The following PCDH15 variants were observed in gnomAD, a reference collection of about 807,000 sequenced individuals.
PCDH15 encodes the protein protocadherin-15.
A neutral mutation model predicts 178.5 loss-of-function variants in PCDH15; 129 were observed. That is an observed-to-expected ratio of 0.72 (90% confidence interval 0.63 to 0.84). PCDH15 has a LOEUF of 0.84. Ranked by LOEUF, PCDH15 falls within the 40% of genes least tolerant of loss-of-function variation. The pLI is 0.00. For missense variants in PCDH15, 2,230 were observed against 2,099.9 expected (o/e 1.06, Z -1.21); for synonymous variants, 800 against 732.0 (o/e 1.09, Z -1.50).
At chr10:55,022,351 C>T (rs1217999575) in intron 2 of PCDH15, among the ~76,000 whole-genome samples, 5 of 147,100 alleles carry the variant, frequency 3.4e-5, no homozygotes. Flanking sequence ...AATCGGGAGG[C>T]AGAGGTAGAA....
intron 10 of PCDH15, among the ~76,000 whole-genome samples, chr10:54,201,889 C>T (rs755306156): frequency 2.6e-5 from 4 of 152,174 alleles, no homozygotes; most frequent in Non-Finnish European, 4.4e-5. Flanking sequence ...GTAATTAATA[C>T]TGATGCACAT....
chr10:54,303,659 C>T (rs145381855), intron 8 of PCDH15, among the ~76,000 whole-genome samples: 85 of 152,178 alleles, frequency 5.6e-4, no homozygotes, highest in Admixed American at 1.6e-3. Context: ...GTAAACACTA[C>T]GTGGTATAAA....
chr10:54,043,666 G>A (rs1454452947), intron 18 of PCDH15, among the ~76,000 whole-genome samples: 1 of 151,996 alleles, frequency 6.6e-6, no homozygotes, highest in East Asian at 1.9e-4. Flanking sequence ...TGGGATTACA[G>A]GTGAGCCACT....
Position 54,731,561 on chromosome 10 carries a change from T to TATATATATATATATATATAC in PCDH15, c.-28-67272_-28-67271insGTATATATATATATATATAT, listed in dbSNP as rs1566067493. On this transcript the variant is annotated intron_variant, in intron 1 of 37. Transcript: ENST00000644397. ...TGTGAGATAGATATATATATATATATATACACACACACACACACACACACA... is the reference window on the plus strand; with the variant it reads ...TGTGAGATAGATATATATATATATATATATATATATATATATATACATACACACACACACACACACACACA... Among the ~76,000 whole-genome samples the TATATATATATATATATATAC allele has an allele frequency of 3.7e-3, 180 of 48,334 alleles. 7 individuals are homozygous for TATATATATATATATATATAC. The highest frequency in any genetic ancestry group is 0.013 in the African/African-American group (174 of 13,602). The allele number at this position is 48,334 out of a possible 152,430, so 31.7% of individuals were successfully genotyped here.
chr10:55,185,637 G>A (rs1265317624), intron 1 of PCDH15, among the ~76,000 whole-genome samples: 1 of 151,754 alleles, frequency 6.6e-6, no homozygotes, highest in East Asian at 1.9e-4. Flanking sequence ...AGAATATTAT[G>A]TGGAAAGAAT....
At chr10:53,976,016 G>C (rs949126354) in intron 21 of PCDH15, among the ~76,000 whole-genome samples, 9 of 152,050 alleles carry the variant, frequency 5.9e-5, no homozygotes, top group Non-Finnish European at 1.2e-4. Flanking sequence ...ACCATTCACT[G>C]AATAGGCAAT....
At chr10:53,809,539 G>A in intron 37 of PCDH15, 6 of 1,606,614 alleles carry the variant, frequency 3.7e-6, no homozygotes, top group Non-Finnish European at 5.1e-6. Flanking sequence ...AATTTTCTTT[G>A]GCTCTTCCTG....
At chr10:54,265,091 G>T (rs901474948) in intron 8 of PCDH15, among the ~76,000 whole-genome samples, 5 of 152,058 alleles carry the variant, frequency 3.3e-5, no homozygotes, top group African/African-American at 1.2e-4. Flanking sequence ...ATCCAGCAGA[G>T]ATTAGAGGTC....
In PCDH15 at chr10:54,016,350, T is replaced by C. The variant is rs1358568851; in HGVS notation, c.2751+3842A>G. Among the ~76,000 whole-genome samples, 11 of 152,084 alleles carry C rather than the reference T, an allele frequency of 7.2e-5. No individual in the cohort carries two copies. The South Asian group carries it at 8.3e-4, about 11-fold the overall frequency. On this transcript the variant is annotated intron_variant, in intron 20 of 37. Coordinates refer to ENST00000644397, the MANE Select transcript of PCDH15 (RefSeq NM_001384140.1). ...CAAGGACCTCAAAGCAAAATGACCA[T>C]TTGACCCAGCAATCCCATTTTTAGG...
At chr10:54,182,258 T>C (rs4382809) in intron 13 of PCDH15, among the ~76,000 whole-genome samples, 64,981 of 151,910 alleles carry the variant, frequency 0.43, 15,331 homozygotes, top group African/African-American at 0.6. Flanking sequence ...TGAGCCGCCA[T>C]GCCCAGCTGC....
intron 2 of PCDH15, among the ~76,000 whole-genome samples, chr10:55,423,571 G>A (rs965680707): frequency 1.3e-5 from 2 of 151,928 alleles, no homozygotes; most frequent in African/African-American, 2.4e-5. Context: ...GGTAAAAGGG[G>A]GGAAACTCCT....
intron 3 of PCDH15, among the ~76,000 whole-genome samples, chr10:54,513,019 C>T (rs1184336267): frequency 6.6e-6 from 1 of 151,818 alleles, no homozygotes; most frequent in African/African-American, 2.4e-5. Flanking sequence ...TTATCTAATA[C>T]CCCTAAAATA....
chr10:53,958,655 G>A (rs1320419307), intron 23 of PCDH15, among the ~76,000 whole-genome samples: 1 of 152,026 alleles, frequency 6.6e-6, no homozygotes, highest in African/African-American at 2.4e-5. Flanking sequence ...TCTTAAACTT[G>A]GATTGTCAGC....
At chr10:54,141,466 TA>T (rs1453723344) in intron 14 of PCDH15, among the ~76,000 whole-genome samples, 8 of 152,234 alleles carry the variant, frequency 5.3e-5, no homozygotes, top group African/African-American at 1.4e-4. Context: ...AAATGATGTT[TA>T]TTTCCAATGT....
chr10:53,906,493 C>T (rs113245935), intron 25 of PCDH15, among the ~76,000 whole-genome samples: 24 of 152,080 alleles, frequency 1.6e-4, no homozygotes, highest in Admixed American at 4.6e-4. Flanking sequence ...GTAATTTTTC[C>T]GCTCAGATAT....
At chr10:54,114,446 T>C (rs999767194) in intron 15 of PCDH15, among the ~76,000 whole-genome samples, 6 of 152,016 alleles carry the variant, frequency 3.9e-5, no homozygotes, top group African/African-American at 1.4e-4. Context: ...TAAAATCAGA[T>C]CCACATGATA....
chr10:55,104,146 G>A (rs554697765), intron 2 of PCDH15, among the ~76,000 whole-genome samples: 1 of 151,740 alleles, frequency 6.6e-6, no homozygotes, highest in East Asian at 1.9e-4. Flanking sequence ...CTTTCTGCCC[G>A]AAATTCTGAT....
chr10:54,595,046 T>A (rs12244151), intron 2 of PCDH15, among the ~76,000 whole-genome samples: 1 of 152,134 alleles, frequency 6.6e-6, no homozygotes, highest in Non-Finnish European at 1.5e-5. Flanking sequence ...AGCAGGGCCC[T>A]CCACCTTCCC....
At chr10:54,372,166 C>G (rs911951083) in intron 4 of PCDH15, among the ~76,000 whole-genome samples, 2 of 151,864 alleles carry the variant, frequency 1.3e-5, no homozygotes, top group Non-Finnish European at 2.9e-5. Context: ...GTGAATTATG[C>G]ACTTTTAAAG....
Sources: gnomAD v4.1 joint callset for allele counts (sites outside exome capture counted in the v4.1 genomes callset) on GRCh38, gnomAD v4.1.1 for gene constraint, MANE v1.5 for transcripts, NCBI Gene and HGNC (gene_info 2026-07-23, HGNC 2026-07-21) for gene names.